The following AFAP1L2 variants were observed in gnomAD, a reference collection of about 807,000 sequenced individuals.
AFAP1L2 encodes the protein actin filament-associated protein 1-like 2.
In AFAP1L2, 46 loss-of-function variants were observed where a neutral mutation model predicts 99.3. That is an observed-to-expected ratio of 0.46 (90% CI 0.37 to 0.59). The LOEUF (loss-of-function observed/expected upper bound fraction) is 0.59, where lower values mean the gene tolerates loss of function less well. AFAP1L2 is among the 20% of genes least tolerant of loss of function. AFAP1L2 has a pLI of 0.00. For missense variants in AFAP1L2, 959 were observed against 1,034.9 expected, an observed-to-expected ratio of 0.93 and a Z score of 1.01; for synonymous variants, 397 against 419.1, an observed-to-expected ratio of 0.95 and a Z score of 0.64.
At chr10:114,326,261 G>A (rs573867147) in intron 4 of AFAP1L2, among the ~76,000 whole-genome samples, 1 of 152,232 alleles carries the variant, frequency 6.6e-6, no homozygotes, top group East Asian at 1.9e-4. Context: ...CAGGAGTATG[G>A]GGCTTCAGGC....
At chr10:114,316,158 G>A (rs930738547) in intron 5 of AFAP1L2, among the ~76,000 whole-genome samples, 4 of 152,222 alleles carry the variant, frequency 2.6e-5, no homozygotes, top group African/African-American at 4.8e-5. Context: ...GATGAAAGGC[G>A]TGGGGTGGGA....
intron 7 of AFAP1L2, among the ~76,000 whole-genome samples, chr10:114,312,704 G>A (rs185318636): frequency 5.9e-5 from 9 of 152,218 alleles, no homozygotes; most frequent in Non-Finnish European, 1.2e-4. Flanking sequence ...TTCAGAGCTT[G>A]TTAGCTCTCT....
chr10:114,355,400 CCT>C (rs766046623), intron 1 of AFAP1L2, among the ~76,000 whole-genome samples: 2 of 152,036 alleles, frequency 1.3e-5, no homozygotes, highest in African/African-American at 2.4e-5. Flanking sequence ...GCCCGGCTCT[CCT>C]CTCTCTTTTT....
At chr10:114,296,879 G>A (rs748092708) in intron 18 of AFAP1L2, 99 bp downstream of exon 18, 1 of 1,594,378 alleles carries the variant, frequency 6.3e-7, no homozygotes, top group East Asian at 2.2e-5. Flanking sequence ...GCTCAGAGCT[G>A]GTGCCAAAAG....
chr10:114,303,291 A>C (rs1352877404), intron 11 of AFAP1L2, among the ~76,000 whole-genome samples: 1 of 152,128 alleles, frequency 6.6e-6, no homozygotes, highest in Admixed American at 6.5e-5. Context: ...TTTGACATTT[A>C]GTTGGTTTCC....
chr10:114,401,556 C>A (rs1459640230), intron 1 of AFAP1L2, among the ~76,000 whole-genome samples: 1 of 152,194 alleles, frequency 6.6e-6, no homozygotes, highest in Non-Finnish European at 1.5e-5. Flanking sequence ...CAAGACATAG[C>A]CATTTTACCA....
chr10:114,339,737 G>A (rs543326393), intron 2 of AFAP1L2, among the ~76,000 whole-genome samples: 1 of 152,222 alleles, frequency 6.6e-6, no homozygotes, highest in Non-Finnish European at 1.5e-5. Context: ...ATTAAGGCCA[G>A]GCATGGTGGC....
chr10:114,391,595 G>A (rs925359068), intron 1 of AFAP1L2, among the ~76,000 whole-genome samples: 2 of 152,152 alleles, frequency 1.3e-5, no homozygotes, highest in African/African-American at 2.4e-5. Context: ...ACTGTCCTTG[G>A]CCCTTAAGGA....
At chr10:114,333,832 A>T (rs900978383) in intron 2 of AFAP1L2, among the ~76,000 whole-genome samples, 4 of 152,188 alleles carry the variant, frequency 2.6e-5, no homozygotes, top group Non-Finnish European at 5.9e-5. Context: ...AAGAAAAGAA[A>T]AAAGAAATCC....
chr10:114,352,216 A>C (rs1251492821), intron 1 of AFAP1L2, among the ~76,000 whole-genome samples: 1 of 152,170 alleles, frequency 6.6e-6, no homozygotes, highest in Non-Finnish European at 1.5e-5. Flanking sequence ...TCACACCTGT[A>C]ATCCCAGCAC....
At chr10:114,335,267 G>A (rs2047765717) in intron 2 of AFAP1L2, among the ~76,000 whole-genome samples, 2 of 151,912 alleles carry the variant, frequency 1.3e-5, no homozygotes, top group Admixed American at 6.6e-5. Flanking sequence ...AAAGAAAATT[G>A]TATTTGAGGA....
At chr10:114,282,378 A>C in the AFAP1L2 span, 2 of 700,296 alleles carry the variant, frequency 2.9e-6, no homozygotes, top group Middle Eastern at 2.4e-4. Context: ...GGGTAGAATC[A>C]AGAAACAAAA....
intron 12 of AFAP1L2, 75 bp downstream of exon 12, chr10:114,302,264 G>A: frequency 1.9e-6 from 3 of 1,593,802 alleles, no homozygotes; most frequent in Admixed American, 3.3e-5. Context: ...TGCTGCCCCT[G>A]ACTCTGGCTG....
intron 1 of AFAP1L2, among the ~76,000 whole-genome samples, chr10:114,367,448 A>G (rs1372580367): frequency 6.6e-6 from 1 of 152,102 alleles, no homozygotes; most frequent in Non-Finnish European, 1.5e-5. Flanking sequence ...TCCACTGCCC[A>G]CCCCTCCCCT....
At chr10:114,364,799 C>T (rs2052964360) in intron 1 of AFAP1L2, among the ~76,000 whole-genome samples, 1 of 152,180 alleles carries the variant, frequency 6.6e-6, no homozygotes, top group Non-Finnish European at 1.5e-5. Context: ...CTTCCTCCTC[C>T]ACTACCGGGG....
Position 114,340,645 on chromosome 10 carries a change from T to A in AFAP1L2, c.103A>T (p.Ser35Cys), listed in dbSNP as rs893222447. ...AGCCGGAGGAGCTCCGCCAGGCAGC[T>A]CTTCTTCACCAGTGCTGTGCTGCTC... ...NLSSTALVKK[S>C]CLAELLRLYT... The change falls in exon 2 of 19, where the codon AGC becomes TGC. Residue 35 changes from serine to cysteine, a missense_variant. By Grantham distance (112) the Ser-to-Cys change is moderately radical. Transcript: ENST00000304129. 13 of 1,614,134 alleles carry A rather than the reference T, an allele frequency of 8.1e-6. No homozygotes were observed. Among genetic ancestry groups the A allele is most frequent in the Non-Finnish European group, 1.1e-5 (13 of 1,180,052 alleles).
intron 1 of AFAP1L2, among the ~76,000 whole-genome samples, chr10:114,384,688 C>A (rs988473478): frequency 6.6e-6 from 1 of 152,258 alleles, no homozygotes; most frequent in East Asian, 1.9e-4. Flanking sequence ...CCCAGCAGCA[C>A]CGGTTAAACA....
intron 1 of AFAP1L2, among the ~76,000 whole-genome samples, chr10:114,404,011 CG>C (rs1286074047): frequency 6.6e-6 from 1 of 152,204 alleles, no homozygotes; most frequent in Non-Finnish European, 1.5e-5. Flanking sequence ...CCTAGCCCGG[CG>C]GGCGCCCGGG....
At chr10:114,346,683 G>A (rs187011542) in intron 1 of AFAP1L2, among the ~76,000 whole-genome samples, 5 of 152,358 alleles carry the variant, frequency 3.3e-5, no homozygotes, top group African/African-American at 1.2e-4. Context: ...TGTGGAGCGA[G>A]GGAGAAATAA....
Sources: allele counts gnomAD v4.1 joint callset (sites outside exome capture counted in the v4.1 genomes callset), GRCh38; gene constraint gnomAD v4.1.1; transcripts MANE v1.5; gene names NCBI Gene and HGNC (gene_info 2026-07-23, HGNC 2026-07-21).